DGKB: variants seen among roughly 807,000 people sequenced by gnomAD.
The protein encoded by DGKB is diacylglycerol kinase beta, also known as 90 kDa diacylglycerol kinase.
A neutral mutation model predicts 114.3 loss-of-function variants in DGKB; 67 were observed. That is an observed-to-expected ratio of 0.59 (90% confidence interval 0.48 to 0.72). The LOEUF is 0.72. Among genes scored for constraint, DGKB ranks in the 30% least tolerant of loss-of-function variants. The pLI is 0.00. For synonymous variants in DGKB, 398 were observed against 323.1 expected (o/e 1.23, Z -2.49); for missense variants, 907 against 975.2 (o/e 0.93, Z 0.93).
At chr7:14,556,689 C>T (rs1215220794) in intron 20 of DGKB, among the ~76,000 whole-genome samples, 2 of 151,932 alleles carry the variant, frequency 1.3e-5, no homozygotes, top group Middle Eastern at 6.8e-3. Flanking sequence ...TGAAATAAAC[C>T]CTATTGGGTC....
intron 2 of DGKB, among the ~76,000 whole-genome samples, chr7:14,777,909 A>T (rs182793451): frequency 2.0e-5 from 3 of 152,148 alleles, no homozygotes; most frequent in African/African-American, 7.2e-5. Context: ...ATAGCAGTGT[A>T]TTAGAGGGAA....
intron 2 of DGKB, among the ~76,000 whole-genome samples, chr7:14,819,723 G>C (rs778895861): frequency 6.6e-6 from 1 of 152,136 alleles, no homozygotes; most frequent in African/African-American, 2.4e-5. Flanking sequence ...GAACAAAGTT[G>C]TATGGTTTGT....
At chr7:14,221,088 T>C (rs985928290) in intron 23 of DGKB, among the ~76,000 whole-genome samples, 10 of 151,432 alleles carry the variant, frequency 6.6e-5, no homozygotes, top group African/African-American at 2.4e-4. Flanking sequence ...AGATCTCCTA[T>C]ATATAAGAAC....
At chr7:14,555,302 A>G (rs1795721950) in intron 20 of DGKB, among the ~76,000 whole-genome samples, 1 of 152,136 alleles carries the variant, frequency 6.6e-6, no homozygotes, top group Non-Finnish European at 1.5e-5. Context: ...TTTATATTCA[A>G]TTCTATTAAT....
intron 1 of DGKB, among the ~76,000 whole-genome samples, chr7:14,849,322 G>T (rs56057308): frequency 0.31 from 46,963 of 151,856 alleles, 9,421 homozygotes; most frequent in Non-Finnish European, 0.44. Flanking sequence ...CCCCCTCACT[G>T]CTGCTGAAAT....
chr7:14,419,569 C>G (rs1826341961), intron 21 of DGKB, among the ~76,000 whole-genome samples: 1 of 151,334 alleles, frequency 6.6e-6, no homozygotes, highest in South Asian at 2.1e-4. Context: ...TCGTTACCAG[C>G]TTCCACATTA....
At chr7:14,864,842 T>G (rs1003626067) in intron 1 of DGKB, among the ~76,000 whole-genome samples, 7 of 151,734 alleles carry the variant, frequency 4.6e-5, no homozygotes, top group African/African-American at 1.5e-4. Context: ...TCTTAAGACT[T>G]AATCCTTTAG....
intron 23 of DGKB, among the ~76,000 whole-genome samples, chr7:14,222,388 C>A (rs1225398879): frequency 2.0e-5 from 3 of 151,016 alleles, no homozygotes; most frequent in East Asian, 3.9e-4. Context: ...TTGATTTCTT[C>A]ATTGATTCAT....
chr7:14,649,819 A>G (rs955472922), intron 13 of DGKB, among the ~76,000 whole-genome samples: 24 of 142,460 alleles, frequency 1.7e-4, no homozygotes, highest in Admixed American at 7.8e-4. Context: ...AGCAAATGGA[A>G]AACAAAAAAA....
chr7:14,834,023 G>C (rs879355003), intron 2 of DGKB, among the ~76,000 whole-genome samples: 1 of 152,062 alleles, frequency 6.6e-6, no homozygotes, highest in Non-Finnish European at 1.5e-5. Context: ...AGTTCCTCTA[G>C]CTTGTGTACT....
intron 23 of DGKB, among the ~76,000 whole-genome samples, chr7:14,275,563 G>A (rs1447510505): frequency 6.6e-6 from 1 of 152,182 alleles, no homozygotes; most frequent in Non-Finnish European, 1.5e-5. Flanking sequence ...TAGTGGTCAT[G>A]TGTGGAACTT....
chr7:14,928,458 TTC>T (rs1445087315), intron 1 of DGKB, among the ~76,000 whole-genome samples: 4 of 151,912 alleles, frequency 2.6e-5, no homozygotes, highest in African/African-American at 9.7e-5. Context: ...GTTACAGAAT[TTC>T]TCTGTTCTTT....
chr7:14,397,720 G>C (rs1822461973), intron 21 of DGKB, among the ~76,000 whole-genome samples: 1 of 151,652 alleles, frequency 6.6e-6, no homozygotes. Flanking sequence ...GTTACGTTTT[G>C]TTTCATGTTG....
chr7:14,375,419 C>T (rs1354158026), intron 21 of DGKB, among the ~76,000 whole-genome samples: 1 of 151,650 alleles, frequency 6.6e-6, no homozygotes, highest in East Asian at 1.9e-4. Context: ...TAAAATAATA[C>T]ATTCAGTCCT....
intron 21 of DGKB, among the ~76,000 whole-genome samples, chr7:14,388,731 A>AAGAT (rs1370287525): frequency 6.6e-6 from 1 of 152,166 alleles, no homozygotes; most frequent in African/African-American, 2.4e-5. Flanking sequence ...TTCTTTCAGG[A>AAGAT]AGATGGAGAA....
At chr7:14,529,763 A>G (rs1399258904) in intron 20 of DGKB, among the ~76,000 whole-genome samples, 1 of 151,784 alleles carries the variant, frequency 6.6e-6, no homozygotes, top group East Asian at 1.9e-4. Flanking sequence ...AGGTCCATGA[A>G]ACAAAATACA....
At chr7:14,379,578 G>T (rs1310144849) in intron 21 of DGKB, among the ~76,000 whole-genome samples, 4 of 150,346 alleles carry the variant, frequency 2.7e-5, no homozygotes, top group African/African-American at 7.3e-5. Flanking sequence ...ATTGTTTTTT[G>T]AGATGGAGTC....
intron 23 of DGKB, among the ~76,000 whole-genome samples, chr7:14,227,571 T>C (rs1791010126): frequency 6.6e-6 from 1 of 152,120 alleles, no homozygotes; most frequent in Admixed American, 6.6e-5. Context: ...GGCTTTATCT[T>C]GACAAAATTA....
chr7:14,772,514 T>A (rs1298924791), intron 2 of DGKB, among the ~76,000 whole-genome samples: 2 of 152,158 alleles, frequency 1.3e-5, no homozygotes, highest in Non-Finnish European at 2.9e-5. Context: ...CAGAAAAGAA[T>A]TACTAAACTT....
Sources: gnomAD v4.1 joint callset for allele counts (sites outside exome capture counted in the v4.1 genomes callset) on GRCh38, gnomAD v4.1.1 for gene constraint, MANE v1.5 for transcripts, NCBI Gene and HGNC (gene_info 2026-07-23, HGNC 2026-07-21) for gene names.